The following GTF2IRD1 variants were observed in gnomAD, a reference collection of about 807,000 sequenced individuals.
GTF2IRD1 encodes general transcription factor II-I repeat domain-containing protein 1.
In GTF2IRD1, 26 loss-of-function variants were observed where a neutral mutation model predicts 113.2. That is an observed-to-expected ratio of 0.23 (90% confidence interval 0.17 to 0.32). The LOEUF is 0.32. Among genes scored for constraint, GTF2IRD1 ranks in the 10% least tolerant of loss-of-function variants. The pLI is 1.00. For synonymous variants in GTF2IRD1, 484 were observed against 529.1 expected (o/e 0.91, Z 1.17); for missense variants, 864 against 1,280.8 (o/e 0.67, Z 4.97).
chr7:74,571,281 A>G (rs1800681030), intron 22 of GTF2IRD1: 2 of 178,666 alleles, frequency 1.1e-5, no homozygotes, highest in East Asian at 1.9e-4. Context: ...GTGCATGACC[A>G]GGTGAGAAGG....
intron 13 of GTF2IRD1, among the ~76,000 whole-genome samples, 156 bp from the exon 14 acceptor site, chr7:74,539,723 G>A (rs112596259): frequency 1.3e-3 from 201 of 151,576 alleles, no homozygotes; most frequent in African/African-American, 4.5e-3. Context: ...CTGCCTGGAC[G>A]ACAGAGTGAG....
chr7:74,462,571 C>G (rs1286309555), intron 1 of GTF2IRD1, among the ~76,000 whole-genome samples: 3 of 152,198 alleles, frequency 2.0e-5, no homozygotes, highest in South Asian at 2.1e-4. Context: ...TCTAGCCACT[C>G]TCCTCTCTAG....
At chr7:74,575,558 C>A (rs1472109373) in intron 22 of GTF2IRD1, among the ~76,000 whole-genome samples, 1 of 152,206 alleles carries the variant, frequency 6.6e-6, no homozygotes, top group Non-Finnish European at 1.5e-5. Flanking sequence ...ATAATCCAGG[C>A]GACGCCTGTG....
At chr7:74,542,613 T>A (rs1235009776) in intron 14 of GTF2IRD1, among the ~76,000 whole-genome samples, 1 of 152,202 alleles carries the variant, frequency 6.6e-6, no homozygotes, top group Non-Finnish European at 1.5e-5. Context: ...ACTTTGGTAA[T>A]GAAGAAAAAA....
At chr7:74,598,615 CA>C (rs202025106) in intron 25 of GTF2IRD1, among the ~76,000 whole-genome samples, 4 of 148,608 alleles carry the variant, frequency 2.7e-5, no homozygotes, top group South Asian at 2.1e-4. Context: ...GGCTCTGTCT[CA>C]AAAAAAAACA....
chr7:74,525,771 A>G (rs1323566983), intron 8 of GTF2IRD1, among the ~76,000 whole-genome samples: 1 of 152,198 alleles, frequency 6.6e-6, no homozygotes, highest in African/African-American at 2.4e-5. Flanking sequence ...AAAGAAAAGA[A>G]AATCATTAAG....
chr7:74,516,950 C>G (rs1447716627), intron 4 of GTF2IRD1, among the ~76,000 whole-genome samples: 1 of 152,144 alleles, frequency 6.6e-6, no homozygotes, highest in African/African-American at 2.4e-5. Context: ...CCCGAGCCCC[C>G]ATCTTTGTTC....
intron 22 of GTF2IRD1, among the ~76,000 whole-genome samples, chr7:74,588,106 C>CTTTTTTTTTTTTTTTTTTT (rs781908698): frequency 1.5e-5 from 2 of 135,020 alleles, no homozygotes; most frequent in African/African-American, 2.8e-5. Flanking sequence ...CTTTTCTTTT[C>CTTTTTTTTTTTTTTTTTTT]TTTTTTTTTT....
rs782194601 is a variant in GTF2IRD1 at position 74,544,774 on chromosome 7, C to G, written c.1638C>G (p.Asp546Glu). Residue 546 changes from aspartate (D) to glutamate (E), a missense_variant, in exon 15 of 27, where the codon GAC becomes GAG. By Grantham distance (45) the Asp-to-Glu change is conservative. Coordinates refer to ENST00000424337, the MANE Select transcript of GTF2IRD1 (RefSeq NM_005685.4). Reference sequence around the variant, plus strand: ...TTTTAGACAAAGGTCTGAGTGAGGACGCGCGGCCCGAGGAGAGGCCCGTGG... The same window carrying G: ...TTTTAGACAAAGGTCTGAGTGAGGAGGCGCGGCCCGAGGAGAGGCCCGTGG... The part of the protein sequence containing the change: ...EMLTDKGLSE[D>E]ARPEERPVED... The G allele has an allele frequency of 1.9e-6, 3 of 1,613,806 alleles. No homozygotes were observed. The highest frequency in any genetic ancestry group is 2.2e-5 in the East Asian group (1 of 44,880).
chr7:74,503,562 A>G (rs781820307), intron 1 of GTF2IRD1, among the ~76,000 whole-genome samples: 26 of 152,188 alleles, frequency 1.7e-4, no homozygotes, highest in Non-Finnish European at 4.4e-5. Context: ...CAGTCTGGCC[A>G]ACATGGGGAA....
chr7:74,524,555 C>T (rs1797488815), intron 8 of GTF2IRD1, among the ~76,000 whole-genome samples: 1 of 151,850 alleles, frequency 6.6e-6, no homozygotes, highest in African/African-American at 2.4e-5. Context: ...TGAGACCTCC[C>T]ATCTCTACAA....
rs1175410445 is a variant in GTF2IRD1, at chr7:74,529,925, TG to T, written c.1274+12del. On this transcript the variant is annotated intron_variant, in intron 9 of 26. Transcript: ENST00000424337. ...CCACTTCATCATTAAGAGGTGCGGG[TG>T]GGGCTGGGCGCAGTGGCTCATGCCT... 6.2e-7 allele frequency: 1 copy of T among 1,608,408 alleles called. No homozygotes were observed. The highest frequency in any genetic ancestry group is 2.2e-5 in the East Asian group (1 of 44,740).
intron 1 of GTF2IRD1, among the ~76,000 whole-genome samples, chr7:74,465,019 C>T (rs1250089597): frequency 6.6e-6 from 1 of 152,218 alleles, no homozygotes; most frequent in Non-Finnish European, 1.5e-5. Context: ...CCACCTGGCT[C>T]CAGGGTGGTC....
intron 1 of GTF2IRD1, among the ~76,000 whole-genome samples, chr7:74,473,274 G>T (rs1232827383): frequency 6.6e-6 from 1 of 152,174 alleles, no homozygotes. Flanking sequence ...GATCTTGGCC[G>T]GTGTCCCTTC....
At chr7:74,539,765 CAG>C (rs1395325371) in intron 13 of GTF2IRD1, 112 bp from the exon 14 acceptor site, 9 of 645,092 alleles carry the variant, frequency 1.4e-5, no homozygotes, top group Non-Finnish European at 2.4e-5. Flanking sequence ...AAAAAAGAGA[CAG>C]AAAGAAAAGG....
At chr7:74,494,713 T>C (rs187054168) in intron 1 of GTF2IRD1, among the ~76,000 whole-genome samples, 95 of 151,362 alleles carry the variant, frequency 6.3e-4, no homozygotes, top group African/African-American at 2.2e-3. Flanking sequence ...ATAGGGAAAC[T>C]CCCATTTCTA....
At chr7:74,500,547 G>A (rs1295557372) in intron 1 of GTF2IRD1, among the ~76,000 whole-genome samples, 2 of 152,046 alleles carry the variant, frequency 1.3e-5, no homozygotes, top group Non-Finnish European at 2.9e-5. Flanking sequence ...CCAGCCAGCG[G>A]GCCAGGCCTC....
At chr7:74,500,197 A>G (rs1795948146) in intron 1 of GTF2IRD1, among the ~76,000 whole-genome samples, 1 of 152,166 alleles carries the variant, frequency 6.6e-6, no homozygotes, top group African/African-American at 2.4e-5. Context: ...GCTGCCACAA[A>G]TGACCTTGAG....
At chr7:74,521,352 T>C (rs1029307061) in intron 7 of GTF2IRD1, 55 bp downstream of exon 7, 1 of 1,025,800 alleles carries the variant, frequency 9.7e-7, no homozygotes. Flanking sequence ...AGGTTGGAGG[T>C]GGTGCTTATT....
Sources: allele counts gnomAD v4.1 joint callset (sites outside exome capture counted in the v4.1 genomes callset), GRCh38; gene constraint gnomAD v4.1.1; transcripts MANE v1.5; gene names NCBI Gene and HGNC (gene_info 2026-07-23, HGNC 2026-07-21).